Variants in PRKCB observed in about 807,000 individuals in gnomAD.
PRKCB encodes the protein protein kinase C beta, also known as protein kinase C beta type.
A neutral mutation model predicts 81.5 loss-of-function variants in PRKCB; 13 were observed. That is an observed-to-expected ratio of 0.16 (90% CI 0.10 to 0.25). PRKCB has a LOEUF of 0.25. Ranked by LOEUF, PRKCB falls within the 10% of genes least tolerant of loss-of-function variation. The pLI, the probability that PRKCB is intolerant of heterozygous loss-of-function variation, is 1.00. For missense variants in PRKCB, 509 were observed against 875.7 expected, an observed-to-expected ratio of 0.58 and a Z score of 5.29; for synonymous variants, 335 against 321.4, an observed-to-expected ratio of 1.04 and a Z score of -0.45.
At chr16:24,061,391 C>T (rs1161953716) in intron 5 of PRKCB, among the ~76,000 whole-genome samples, 1 of 150,552 alleles carries the variant, frequency 6.6e-6, no homozygotes, top group East Asian at 1.9e-4. Flanking sequence ...AACAGGTTTC[C>T]TAAACACACA....
intron 10 of PRKCB, among the ~76,000 whole-genome samples, chr16:24,167,683 G>A (rs1385751633): frequency 1.3e-5 from 2 of 152,176 alleles, no homozygotes; most frequent in African/African-American, 2.4e-5. Context: ...GCTCTTTGAG[G>A]GGAGGACACA....
At chr16:23,994,810 C>G (rs1171680512) in intron 3 of PRKCB, among the ~76,000 whole-genome samples, 3 of 152,218 alleles carry the variant, frequency 2.0e-5, no homozygotes, top group East Asian at 1.9e-4. Context: ...TTTATTGCAG[C>G]TGGTAAGGCT....
At chr16:24,154,554 T>C in intron 9 of PRKCB, 130 bp from the exon 10 acceptor site, 1 of 793,970 alleles carries the variant, frequency 1.3e-6, no homozygotes, top group East Asian at 2.6e-5. Flanking sequence ...TAGAAAACAT[T>C]ACCTGTTGTT....
rs1555481692 is a variant in PRKCB, at chr16:23,882,021, T to TTCCTTCCTTC, written c.205+44615_205+44616insTCCTTCCTTC. ...TTCTTTCTTTCTTTCTTTCTTTCTT[T>TTCCTTCCTTC]CTTCCTTCCTTCCTTCCTTCCTTCC... On this transcript the variant is annotated intron_variant, in intron 2 of 16. Coordinates refer to ENST00000643927, the MANE Select transcript of PRKCB (RefSeq NM_002738.7). 1.7e-3 allele frequency among the ~76,000 whole-genome samples: 96 copies of TTCCTTCCTTC among 55,626 alleles called. 6 individuals are homozygous for TTCCTTCCTTC. The highest frequency in any genetic ancestry group is 3.5e-3 in the African/African-American group (60 of 16,902). The allele number at this position is 55,626 out of a possible 152,430, so 36.5% of individuals were successfully genotyped here.
intron 3 of PRKCB, among the ~76,000 whole-genome samples, chr16:23,995,536 G>A (rs570700414): frequency 3.3e-5 from 5 of 152,234 alleles, no homozygotes; most frequent in East Asian, 3.9e-4. Flanking sequence ...CCGGGCCTTC[G>A]TGGAAACTGA....
intron 16 of PRKCB, chr16:24,208,057 G>A (rs1403770101): frequency 6.6e-6 from 1 of 152,290 alleles, no homozygotes; most frequent in African/African-American, 2.4e-5. Context: ...TTTGGGCAAT[G>A]GGGAGCTATT....
At chr16:24,161,313 T>C (rs1967253296) in intron 10 of PRKCB, among the ~76,000 whole-genome samples, 1 of 152,188 alleles carries the variant, frequency 6.6e-6, no homozygotes, top group African/African-American at 2.4e-5. Flanking sequence ...AGCACGGTGT[T>C]AACAGAAAAT....
chr16:23,860,843 T>C (rs148184690), intron 2 of PRKCB, among the ~76,000 whole-genome samples: 135 of 152,126 alleles, frequency 8.9e-4, no homozygotes, highest in Non-Finnish European at 1.6e-3. Context: ...GAGTCAGAGG[T>C]TGCAGTGAGC....
intron 9 of PRKCB, among the ~76,000 whole-genome samples, chr16:24,140,003 T>C (rs549970711): frequency 1.2e-4 from 19 of 152,350 alleles, no homozygotes; most frequent in Admixed American, 7.8e-4. Flanking sequence ...TCTACCCAGT[T>C]GCCTTCTCCT....
chr16:24,185,421 G>A (rs1567405652), intron 14 of PRKCB, 39 bp from the exon 15 acceptor site: 1 of 1,578,254 alleles, frequency 6.3e-7, no homozygotes, highest in Non-Finnish European at 8.7e-7. Context: ...GAGGGTTCAA[G>A]CAGGGATTCT....
intron 16 of PRKCB, among the ~76,000 whole-genome samples, chr16:24,195,710 G>A (rs747997157): frequency 6.6e-6 from 1 of 152,172 alleles, no homozygotes; most frequent in Non-Finnish European, 1.5e-5. Flanking sequence ...GCCTGGTTGT[G>A]TGTTGCTTTT....
Position 24,217,768 on chromosome 16 carries a change from T to TA in PRKCB, c.*2960dup, listed in dbSNP as rs931864883. The TA allele has an allele frequency of 1.0e-5, 10 of 984,956 alleles. No homozygotes were observed. The Admixed American group carries it at 1.9e-4, about 18-fold the overall frequency. 61.0% of individuals were successfully genotyped at this position (984,956 alleles called of 1,614,324 possible). A position where few individuals can be genotyped will look rare whatever the true frequency, so the allele number is the denominator to read the frequency against. On this transcript the variant is annotated 3_prime_UTR_variant, in exon 17 of 17. Transcript: ENST00000643927. ...AGGGTTGATGAGACCAGGGGAGACCTAAAAAAAAGGCAGCTTTGTGTCTTC... is the reference window on the plus strand; with the variant it reads ...AGGGTTGATGAGACCAGGGGAGACCTAAAAAAAAAGGCAGCTTTGTGTCTTC...
At chr16:24,119,683 G>A (rs1210264909) in intron 8 of PRKCB, among the ~76,000 whole-genome samples, 2 of 152,116 alleles carry the variant, frequency 1.3e-5, no homozygotes, top group Non-Finnish European at 2.9e-5. Flanking sequence ...GACATAGCCC[G>A]AGAAAGGTGA....
intron 2 of PRKCB, among the ~76,000 whole-genome samples, chr16:23,870,026 A>G (rs1450296047): frequency 6.6e-6 from 1 of 151,958 alleles, no homozygotes; most frequent in Non-Finnish European, 1.5e-5. Flanking sequence ...CATCTGAAAA[A>G]AAAAAAAAGG....
chr16:23,934,052 T>TCCATCCATCCAC (rs1159881024), intron 2 of PRKCB, among the ~76,000 whole-genome samples: 2 of 151,808 alleles, frequency 1.3e-5, no homozygotes, highest in African/African-American at 4.8e-5. Context: ...CATCCATCCA[T>TCCATCCATCCAC]CCACCCATTT....
intron 3 of PRKCB, among the ~76,000 whole-genome samples, chr16:24,027,350 G>T (rs768651358): frequency 6.6e-6 from 1 of 152,236 alleles, no homozygotes; most frequent in East Asian, 1.9e-4. Flanking sequence ...CTGTGGCACA[G>T]AGCAGGGGGA....
chr16:23,894,828 C>A (rs1963350818), intron 2 of PRKCB, among the ~76,000 whole-genome samples: 2 of 152,068 alleles, frequency 1.3e-5, no homozygotes, highest in South Asian at 4.1e-4. Flanking sequence ...ACATTTAGGA[C>A]CTTTGAGTCT....
Position 24,219,968 on chromosome 16 carries a change from AG to A in PRKCB, c.*5153del. 1 of 1,614,024 alleles carries A rather than the reference AG, an allele frequency of 6.2e-7. No homozygotes were observed. The highest frequency in any genetic ancestry group is 1.7e-5 in the Admixed American group (1 of 60,010). ...TTACTTTCCATTTGGCAGAGAGACA[AG>A]AGAGACACCTCCAACTTCGACAAAG... is the stretch of plus-strand genomic sequence containing the variant. On this transcript the variant is annotated 3_prime_UTR_variant, in exon 17 of 17. Coordinates refer to ENST00000643927, the MANE Select transcript of PRKCB (RefSeq NM_002738.7).
intron 9 of PRKCB, among the ~76,000 whole-genome samples, chr16:24,134,910 C>G (rs1483485519): frequency 6.6e-6 from 1 of 151,872 alleles, no homozygotes; most frequent in Non-Finnish European, 1.5e-5. Context: ...CACCCTGTCT[C>G]TTATATATTT....
Sources: gnomAD v4.1 joint callset for allele counts (sites outside exome capture counted in the v4.1 genomes callset) on GRCh38, gnomAD v4.1.1 for gene constraint, MANE v1.5 for transcripts, NCBI Gene and HGNC (gene_info 2026-07-23, HGNC 2026-07-21) for gene names.